The following RAB27B variants were observed in gnomAD, a reference collection of about 807,000 sequenced individuals.
The protein encoded by RAB27B is ras-related protein Rab-27B.
In RAB27B, 15 loss-of-function variants were observed where a neutral mutation model predicts 24.6. The observed-to-expected ratio is 0.61, with a 90% CI of 0.41 to 0.94. RAB27B has a LOEUF of 0.94. RAB27B is among the 40% of genes least tolerant of loss of function. The pLI, the probability that RAB27B is intolerant of heterozygous loss-of-function variation, is 0.00. For missense variants in RAB27B, 261 were observed against 266.8 expected (o/e 0.98, Z 0.15); for synonymous variants, 105 against 92.5 (o/e 1.14, Z -0.78).
At chr18:54,805,007 CCT>C (rs929403871) in intron 2 of RAB27B, among the ~76,000 whole-genome samples, 3 of 141,460 alleles carry the variant, frequency 2.1e-5, no homozygotes, top group African/African-American at 8.1e-5. Context: ...GTTTTCTGTT[CCT>C]CTTTTTTTAA....
At chr18:54,789,563 T>C (rs1909187460) in intron 2 of RAB27B, among the ~76,000 whole-genome samples, 2 of 152,142 alleles carry the variant, frequency 1.3e-5, no homozygotes, top group South Asian at 4.1e-4. Flanking sequence ...AGGTTTCATA[T>C]GTCTTACCTC....
At chr18:54,886,830 A>G (rs7239169) in intron 4 of RAB27B, among the ~76,000 whole-genome samples, 147,941 of 152,208 alleles carry the variant, frequency 0.97, 72,058 homozygotes, top group East Asian at 1. Flanking sequence ...GGTGTTACAG[A>G]GTTAGCCTTT....
intron 1 of RAB27B, among the ~76,000 whole-genome samples, chr18:54,871,718 C>T (rs1316726894): frequency 2.6e-5 from 4 of 151,856 alleles, no homozygotes; most frequent in Non-Finnish European, 4.4e-5. Flanking sequence ...GGCGTGGTGG[C>T]GGGCACCTTT....
At chr18:54,859,091 G>C (rs1332763602) in intron 1 of RAB27B, among the ~76,000 whole-genome samples, 1 of 152,118 alleles carries the variant, frequency 6.6e-6, no homozygotes, top group African/African-American at 2.4e-5. Context: ...AGGCTTCAGG[G>C]CAGTGACTTT....
intron 2 of RAB27B, among the ~76,000 whole-genome samples, chr18:54,739,226 G>T (rs1598869480): frequency 6.6e-6 from 1 of 151,764 alleles, no homozygotes; most frequent in African/African-American, 2.4e-5. Context: ...AGGCTGAAGC[G>T]GGTGGATCAC....
At chr18:54,767,135 C>A (rs1250949777) in intron 2 of RAB27B, among the ~76,000 whole-genome samples, 1 of 152,100 alleles carries the variant, frequency 6.6e-6, no homozygotes, top group Non-Finnish European at 1.5e-5. Context: ...CAAAGATTTT[C>A]CTTTCTTTTA....
At chr18:54,804,531 G>T (rs977465762) in intron 2 of RAB27B, among the ~76,000 whole-genome samples, 2 of 152,112 alleles carry the variant, frequency 1.3e-5, no homozygotes, top group Non-Finnish European at 2.9e-5. Flanking sequence ...TCTTTTTCTT[G>T]CCATGCTCGG....
At chr18:54,772,152 A>T (rs1403762978) in intron 2 of RAB27B, among the ~76,000 whole-genome samples, 1 of 152,200 alleles carries the variant, frequency 6.6e-6, no homozygotes, top group African/African-American at 2.4e-5. Context: ...CAATATTATC[A>T]GTATAGTCAC....
chr18:54,789,038 C>G (rs1165936962), intron 2 of RAB27B, among the ~76,000 whole-genome samples: 1 of 152,140 alleles, frequency 6.6e-6, no homozygotes, highest in African/African-American at 2.4e-5. Flanking sequence ...ATATATTTAT[C>G]CTAGGTATTG....
intron 4 of RAB27B, among the ~76,000 whole-genome samples, chr18:54,886,350 T>A (rs568140530): frequency 6.6e-6 from 1 of 152,184 alleles, no homozygotes; most frequent in African/African-American, 2.4e-5. Context: ...CAATGCAATA[T>A]GCCATACCTG....
intron 1 of RAB27B, among the ~76,000 whole-genome samples, chr18:54,875,565 C>A (rs904651564): frequency 2.0e-5 from 3 of 150,186 alleles, no homozygotes; most frequent in Non-Finnish European, 1.5e-5. Flanking sequence ...TGAGAACATC[C>A]ATGGTCAGCA....
At chr18:54,776,421 A>G (rs1057479476) in intron 2 of RAB27B, among the ~76,000 whole-genome samples, 1 of 152,238 alleles carries the variant, frequency 6.6e-6, no homozygotes, top group Non-Finnish European at 1.5e-5. Context: ...GTAAAGCCCA[A>G]CTGGCTGGGG....
chr18:54,718,498 C>T (rs1598854548), intron 2 of RAB27B, among the ~76,000 whole-genome samples: 1 of 152,278 alleles, frequency 6.6e-6, no homozygotes, highest in East Asian at 1.9e-4. Context: ...GTGTTGGAGT[C>T]TTTTTATGCT....
chr18:54,811,834 G>C (rs146529781), intron 2 of RAB27B, among the ~76,000 whole-genome samples: 15 of 152,344 alleles, frequency 9.8e-5, no homozygotes, highest in South Asian at 4.1e-4. Flanking sequence ...AAGTTTGCCT[G>C]ATGCAGTTTC....
chr18:54,786,799 C>T (rs1909100891), intron 2 of RAB27B, among the ~76,000 whole-genome samples: 1 of 152,196 alleles, frequency 6.6e-6, no homozygotes, highest in South Asian at 2.1e-4. Context: ...TTATCAACTG[C>T]AACTGAAAGA....
intron 2 of RAB27B, among the ~76,000 whole-genome samples, chr18:54,753,851 C>G (rs1225195316): frequency 6.6e-6 from 1 of 151,950 alleles, no homozygotes; most frequent in Non-Finnish European, 1.5e-5. Context: ...AATTTCCAGC[C>G]CACCGGAGCC....
intron 2 of RAB27B, among the ~76,000 whole-genome samples, chr18:54,788,561 C>T (rs891968670): frequency 6.6e-6 from 1 of 152,190 alleles, no homozygotes. Flanking sequence ...CCTTGGCCTC[C>T]CAAAGTGCTG....
chr18:54,772,538 T>C (rs1226107223), intron 2 of RAB27B, among the ~76,000 whole-genome samples: 1 of 152,212 alleles, frequency 6.6e-6, no homozygotes, highest in Non-Finnish European at 1.5e-5. Flanking sequence ...AGATCTTTCG[T>C]TTTAATCGTT....
chr18:54,883,766 C>T (rs773396707), intron 3 of RAB27B, among the ~76,000 whole-genome samples: 2 of 152,244 alleles, frequency 1.3e-5, no homozygotes, highest in South Asian at 4.1e-4. Flanking sequence ...TCCTTTTCCT[C>T]GTGAATCCTA....
Sources: gnomAD v4.1 joint callset for allele counts (sites outside exome capture counted in the v4.1 genomes callset) on GRCh38, gnomAD v4.1.1 for gene constraint, MANE v1.5 for transcripts, NCBI Gene and HGNC (gene_info 2026-07-23, HGNC 2026-07-21) for gene names.